The following MB21D2 variants were observed in gnomAD, a reference collection of about 807,000 sequenced individuals.
The protein encoded by MB21D2 is nucleotidyltransferase MB21D2.
MB21D2 carries 9 observed loss-of-function variants against 33.3 expected under a neutral mutation model. The observed-to-expected ratio is 0.27, with a 90% CI of 0.16 to 0.47. The LOEUF (loss-of-function observed/expected upper bound fraction) is 0.47, where lower values mean the gene tolerates loss of function less well. Among genes scored for constraint, MB21D2 ranks in the 20% least tolerant of loss-of-function variants. MB21D2 has a pLI of 0.99. For missense variants in MB21D2, 540 were observed against 624.6 expected (o/e 0.86, Z 1.44); for synonymous variants, 241 against 236.3 (o/e 1.02, Z -0.18).
In MB21D2 at chr3:192,884,662, C is replaced by T. The variant is rs918133982; in HGVS notation, c.211+32968G>A. 5.9e-4 allele frequency among the ~76,000 whole-genome samples: 89 copies of T among 151,916 alleles called. 1 individual carries two copies. The highest frequency in any genetic ancestry group is 2.0e-3 in the African/African-American group (82 of 41,254). ...CATTACAGGCGTGAGCCATCGCACC[C>T]GGCCAGAGGTGCATGTCTTGTTCCA... On this transcript the variant is annotated intron_variant, in intron 1 of 1. Transcript: ENST00000392452.
intron 1 of MB21D2, among the ~76,000 whole-genome samples, chr3:192,851,310 TAG>T: frequency 6.6e-6 from 1 of 152,120 alleles, no homozygotes; most frequent in South Asian, 2.1e-4. Context: ...GGCAAATCCA[TAG>T]ATTCAGAAAG....
At chr3:192,852,236 T>C (rs898482937) in intron 1 of MB21D2, among the ~76,000 whole-genome samples, 3 of 152,232 alleles carry the variant, frequency 2.0e-5, no homozygotes, top group East Asian at 1.9e-4. Flanking sequence ...ACAGCACCCA[T>C]TTCCAAAATG....
intron 1 of MB21D2, among the ~76,000 whole-genome samples, chr3:192,880,966 T>C (rs983459423): frequency 2.0e-5 from 3 of 152,060 alleles, no homozygotes; most frequent in African/African-American, 7.3e-5. Flanking sequence ...TTATAAAGAA[T>C]GTACACACAA....
At chr3:192,867,662 C>T (rs987304897) in intron 1 of MB21D2, among the ~76,000 whole-genome samples, 28 of 152,152 alleles carry the variant, frequency 1.8e-4, no homozygotes, top group African/African-American at 6.8e-4. Context: ...AAGATGGCTG[C>T]ATGCATATTC....
At chr3:192,908,706 C>T (rs549469936) in intron 1 of MB21D2, among the ~76,000 whole-genome samples, 1 of 151,946 alleles carries the variant, frequency 6.6e-6, no homozygotes, top group East Asian at 2.0e-4. Flanking sequence ...GCATGAGCCA[C>T]CACGCCGGGC....
At chr3:192,838,571 G>A (rs1712496232) in intron 1 of MB21D2, among the ~76,000 whole-genome samples, 1 of 151,886 alleles carries the variant, frequency 6.6e-6, no homozygotes, top group African/African-American at 2.4e-5. Flanking sequence ...TGGGACTACA[G>A]GCGCCCACCG....
chr3:192,820,890 G>C lies in MB21D2; in HGVS notation c.212-21240C>G, dbSNP rs986161183. Among the ~76,000 whole-genome samples, 3 of 152,134 alleles carry C rather than the reference G, an allele frequency of 2.0e-5. No individual in the cohort carries two copies. In the South Asian group the frequency reaches 6.2e-4, roughly 32 times the overall value. On this transcript the variant is annotated intron_variant, in intron 1 of 1. Transcript: ENST00000392452. ...AGCAATCCTCTCACCTCAGCCTTTT[G>C]AGTAATCAGGACTACAGGCGGTGCC...
intron 1 of MB21D2, among the ~76,000 whole-genome samples, chr3:192,896,253 T>TCACACAAGCTGTCC (rs540178858): frequency 5.9e-5 from 9 of 152,130 alleles, no homozygotes; most frequent in Non-Finnish European, 1.0e-4. Context: ...TTGCCCAAGG[T>TCACACAAGCTGTCC]CACACAAGCT....
At chr3:192,813,980 G>A (rs1344162608) in intron 1 of MB21D2, among the ~76,000 whole-genome samples, 1 of 152,094 alleles carries the variant, frequency 6.6e-6, no homozygotes, top group Non-Finnish European at 1.5e-5. Flanking sequence ...ATAACCAAGT[G>A]CTTAATAGCT....
At chr3:192,872,287 G>T (rs888651982) in intron 1 of MB21D2, among the ~76,000 whole-genome samples, 1 of 152,164 alleles carries the variant, frequency 6.6e-6, no homozygotes, top group Non-Finnish European at 1.5e-5. Flanking sequence ...ATCAAAAGTT[G>T]CAAAGCTGGC....
At chr3:192,853,081 T>C (rs976678008) in intron 1 of MB21D2, among the ~76,000 whole-genome samples, 48 of 152,226 alleles carry the variant, frequency 3.2e-4, no homozygotes, top group Admixed American at 3.1e-3. Context: ...GCTTTTTACC[T>C]GGTTTATATT....
At chr3:192,885,621 G>A (rs1011555355) in intron 1 of MB21D2, among the ~76,000 whole-genome samples, 3 of 152,026 alleles carry the variant, frequency 2.0e-5, no homozygotes, top group Non-Finnish European at 2.9e-5. Flanking sequence ...ACCACCATTC[G>A]TCTCAGATGG....
chr3:192,861,852 C>T (rs1206964867), intron 1 of MB21D2, among the ~76,000 whole-genome samples: 1 of 152,058 alleles, frequency 6.6e-6, no homozygotes, highest in Non-Finnish European at 1.5e-5. Context: ...CTATCATGAA[C>T]CATGTCTCTA....
chr3:192,891,013 C>T (rs1379251580), intron 1 of MB21D2, among the ~76,000 whole-genome samples: 1 of 152,068 alleles, frequency 6.6e-6, no homozygotes, highest in African/African-American at 2.4e-5. Context: ...TATTTCTTAG[C>T]GGCTTATCTC....
At chr3:192,823,135 A>C (rs1283193461) in intron 1 of MB21D2, among the ~76,000 whole-genome samples, 1 of 152,244 alleles carries the variant, frequency 6.6e-6, no homozygotes, top group South Asian at 2.1e-4. Context: ...AATTATTTTC[A>C]CACCAAAGAT....
intron 1 of MB21D2, among the ~76,000 whole-genome samples, chr3:192,801,895 T>A (rs1034631576): frequency 6.6e-6 from 1 of 152,266 alleles, no homozygotes; most frequent in South Asian, 2.1e-4. Flanking sequence ...TTTTATTTAG[T>A]ACAATTCTTT....
rs142367078 is a variant in MB21D2, at chr3:192,871,875, G to A, written c.211+45755C>T. ...GAGGGGAAATTACTTGGACTCTCCCGGGTGGTTCAAAAGGCCCTGCAGTAA... is the reference window on the plus strand; with the variant it reads ...GAGGGGAAATTACTTGGACTCTCCCAGGTGGTTCAAAAGGCCCTGCAGTAA... On this transcript the variant is annotated intron_variant, in intron 1 of 1. Transcript: ENST00000392452. Among the ~76,000 whole-genome samples the A allele has an allele frequency of 1.5e-3, 231 of 152,264 alleles. No homozygotes were observed. In the South Asian group the frequency reaches 0.015, roughly 10 times the overall value.
chr3:192,799,180 T>C lies in MB21D2; in HGVS notation c.682A>G (p.Ser228Gly), dbSNP rs1175854848. The C allele has an allele frequency of 1.2e-6, 2 of 1,614,228 alleles. No homozygotes were observed. ...TIISIILGVG[S>G]SRMLYDIVPV... The stretch of plus-strand genomic sequence containing the variant: ...ACAATATCATACAACATGCGACTAC[T>C]CCCTACACCCAGAATGATGGAGATG... The change falls in exon 2 of 2, where the codon AGT becomes GGT. Residue 228 changes from serine (S) to glycine (G), a missense_variant. Physicochemically the swap from Ser to Gly is moderately conservative, Grantham distance 56. Coordinates refer to ENST00000392452, the MANE Select transcript of MB21D2 (RefSeq NM_178496.4). This position sits in a 1 kb window ranked among gnomAD's most constrained non-coding sequence, Gnocchi z 4.1.
chr3:192,839,035 G>C (rs371139785), intron 1 of MB21D2, among the ~76,000 whole-genome samples: 20 of 152,114 alleles, frequency 1.3e-4, no homozygotes, highest in Non-Finnish European at 2.9e-5. Context: ...ACTAAGTTAC[G>C]ACCTTTTTCT....
Sources: allele counts gnomAD v4.1 joint callset (sites outside exome capture counted in the v4.1 genomes callset), GRCh38; gene constraint gnomAD v4.1.1; non-coding constraint Gnocchi (gnomAD v3.1); transcripts MANE v1.5; gene names NCBI Gene and HGNC (gene_info 2026-07-23, HGNC 2026-07-21).